The following LRRC4C variants were observed in gnomAD, a reference collection of about 807,000 sequenced individuals.
LRRC4C encodes the protein leucine rich repeat containing 4C.
LRRC4C carries 5 observed loss-of-function variants against 33.6 expected under a neutral mutation model. The observed-to-expected ratio is 0.15, with a 90% CI of 0.08 to 0.31. The LOEUF (loss-of-function observed/expected upper bound fraction) is 0.31. LRRC4C is among the 10% of genes least tolerant of loss of function. The probability of loss-of-function intolerance (pLI) is 1.00; values close to 1 mark genes in which losing one functional copy is unlikely to be tolerated. For synonymous variants in LRRC4C, 329 were observed against 302.0 expected (o/e 1.09, Z -0.93); for missense variants, 560 against 796.7 (o/e 0.70, Z 3.58).
intron 3 of LRRC4C, among the ~76,000 whole-genome samples, chr11:40,489,054 T>C (rs1260686670): frequency 6.6e-6 from 1 of 152,124 alleles, no homozygotes; most frequent in Non-Finnish European, 1.5e-5. Flanking sequence ...AAAAGGTCCC[T>C]TCTCTATCGG....
intron 1 of LRRC4C, among the ~76,000 whole-genome samples, chr11:41,163,231 A>T (rs1187571095): frequency 4.2e-5 from 6 of 143,866 alleles, no homozygotes; most frequent in Non-Finnish European, 9.1e-5. Flanking sequence ...AGTCTCAGGT[A>T]TGTCTTTATT....
intron 3 of LRRC4C, among the ~76,000 whole-genome samples, chr11:40,371,850 G>A (rs138603566): frequency 6.6e-6 from 1 of 152,180 alleles, no homozygotes; most frequent in East Asian, 1.9e-4. Context: ...ACACGACCTG[G>A]GAAAATATTT....
chr11:40,153,492 G>T (rs1171638505), intron 5 of LRRC4C, among the ~76,000 whole-genome samples: 1 of 152,084 alleles, frequency 6.6e-6, no homozygotes, highest in African/African-American at 2.4e-5. Context: ...AAGCTAATCA[G>T]GGAGGGACCA....
Position 41,016,688 on chromosome 11 carries a change from T to C in LRRC4C, c.-495-82965A>G, listed in dbSNP as rs530917969. On this transcript the variant is annotated intron_variant, in intron 1 of 6. Coordinates refer to ENST00000528697, the MANE Select transcript of LRRC4C (RefSeq NM_001258419.2). ...GCCATACTCTGGGTATTTGCTTCAA[T>C]AATCATGAGTGAACACAGAGAGGTT... Among the ~76,000 whole-genome samples the C allele has an allele frequency of 1.7e-4, 21 of 121,554 alleles. No individual in the cohort carries two copies. The South Asian group carries it at 4.7e-3, about 27-fold the overall frequency. The allele number at this position is 121,554 out of a possible 152,430, so 79.7% of individuals were successfully genotyped here.
chr11:41,357,656 C>G (rs1156560924), intron 1 of LRRC4C, among the ~76,000 whole-genome samples: 1 of 151,908 alleles, frequency 6.6e-6, no homozygotes, highest in Admixed American at 6.6e-5. Flanking sequence ...ACTAGTGGCT[C>G]ACAGATAAAT....
chr11:40,688,659 A>G (rs886291676), intron 2 of LRRC4C, among the ~76,000 whole-genome samples: 1 of 152,066 alleles, frequency 6.6e-6, no homozygotes, highest in Non-Finnish European at 1.5e-5. Context: ...GTCAGTGGAA[A>G]GGTCAGAGGG....
intron 1 of LRRC4C, among the ~76,000 whole-genome samples, chr11:41,445,171 G>A (rs1955781743): frequency 6.6e-6 from 1 of 152,126 alleles, no homozygotes; most frequent in Admixed American, 6.5e-5. Context: ...TAGAAGAAAG[G>A]AAGATTTAAC....
At chr11:40,978,983 A>G (rs1852303405) in intron 1 of LRRC4C, among the ~76,000 whole-genome samples, 2 of 152,060 alleles carry the variant, frequency 1.3e-5, no homozygotes, top group Non-Finnish European at 2.9e-5. Flanking sequence ...ACATATATGA[A>G]TTCACTATAC....
intron 2 of LRRC4C, among the ~76,000 whole-genome samples, chr11:40,779,088 AC>A (rs1950119683): frequency 6.6e-6 from 1 of 152,186 alleles, no homozygotes. Context: ...TCTACCACCT[AC>A]CACAGGGAAG....
chr11:40,139,420 T>C (rs1317746672), intron 6 of LRRC4C, among the ~76,000 whole-genome samples: 2 of 152,162 alleles, frequency 1.3e-5, no homozygotes, highest in African/African-American at 2.4e-5. Context: ...ATTCAACAAA[T>C]AGGTATGGCA....
intron 1 of LRRC4C, among the ~76,000 whole-genome samples, chr11:41,100,674 G>T (rs980665068): frequency 1.3e-5 from 2 of 152,074 alleles, no homozygotes; most frequent in Admixed American, 6.6e-5. Context: ...ATTCTTCACA[G>T]AACTAGAAGA....
At chr11:40,816,863 G>C (rs1012352795) in intron 2 of LRRC4C, among the ~76,000 whole-genome samples, 1 of 152,076 alleles carries the variant, frequency 6.6e-6, no homozygotes, top group African/African-American at 2.4e-5. Flanking sequence ...ATTATATTCA[G>C]GGTTGACTCT....
At chr11:41,017,519 A>G (rs970874338) in intron 1 of LRRC4C, among the ~76,000 whole-genome samples, 12 of 152,130 alleles carry the variant, frequency 7.9e-5, no homozygotes, top group African/African-American at 2.9e-4. Flanking sequence ...TCATTAATTG[A>G]ACAATTGTTT....
At chr11:40,760,881 A>T (rs936403646) in intron 2 of LRRC4C, among the ~76,000 whole-genome samples, 1 of 145,646 alleles carries the variant, frequency 6.9e-6, no homozygotes, top group Non-Finnish European at 1.5e-5. Context: ...ATTATATATA[A>T]TATATATATA....
At chr11:40,815,701 C>T (rs1426303374) in intron 2 of LRRC4C, among the ~76,000 whole-genome samples, 2 of 152,166 alleles carry the variant, frequency 1.3e-5, no homozygotes, top group Admixed American at 6.6e-5. Flanking sequence ...CCTGTTGTTA[C>T]TGTTCTGTCA....
At chr11:41,130,595 C>T (rs1942966139) in intron 1 of LRRC4C, among the ~76,000 whole-genome samples, 1 of 151,882 alleles carries the variant, frequency 6.6e-6, no homozygotes, top group African/African-American at 2.4e-5. Flanking sequence ...TTTGATTGAT[C>T]AATTAAAATT....
chr11:40,443,011 C>T (rs1951463767), intron 3 of LRRC4C, among the ~76,000 whole-genome samples: 1 of 152,166 alleles, frequency 6.6e-6, no homozygotes, highest in African/African-American at 2.4e-5. Context: ...AATTCCTATA[C>T]ATGTCCAAAG....
chr11:40,835,386 C>T (rs1257016578), intron 2 of LRRC4C, among the ~76,000 whole-genome samples: 7 of 152,210 alleles, frequency 4.6e-5, no homozygotes, highest in Non-Finnish European at 1.0e-4. Context: ...CATTTCTGTA[C>T]TTACATATTT....
intron 2 of LRRC4C, among the ~76,000 whole-genome samples, chr11:40,736,003 G>GTTGT (rs1947847979): frequency 7.2e-6 from 1 of 138,560 alleles, no homozygotes; most frequent in Admixed American, 7.0e-5. Context: ...TATTGATGGG[G>GTTGT]TTGTTTTTTT....
Sources: gnomAD v4.1 joint callset for allele counts (sites outside exome capture counted in the v4.1 genomes callset) on GRCh38, gnomAD v4.1.1 for gene constraint, MANE v1.5 for transcripts, NCBI Gene and HGNC (gene_info 2026-07-23, HGNC 2026-07-21) for gene names.